Variants in UCKL1 observed in about 807,000 individuals in gnomAD.
UCKL1 encodes the protein uridine-cytidine kinase 1 like 1.
A neutral mutation model predicts 59.2 loss-of-function variants in UCKL1; 65 were observed. That is an observed-to-expected ratio of 1.10 (90% CI 0.90 to 1.35). UCKL1 has a LOEUF of 1.35. Ranked by LOEUF, UCKL1 falls within the 40% of genes most tolerant of loss-of-function variation. The pLI, the probability that UCKL1 is intolerant of heterozygous loss-of-function variation, is 0.00. For synonymous variants in UCKL1, 410 were observed against 323.1 expected, an observed-to-expected ratio of 1.27 and a Z score of -2.88; for missense variants, 703 against 784.3, an observed-to-expected ratio of 0.90 and a Z score of 1.24.
intron 8 of UCKL1, chr20:63,942,836 C>A: frequency 2.4e-6 from 1 of 416,444 alleles, no homozygotes; most frequent in South Asian, 1.6e-5. Flanking sequence ...AGGAACCTGA[C>A]GGGACAAGAC....
intron 1 of UCKL1, among the ~76,000 whole-genome samples, chr20:63,952,147 AAGTGGGC>A (rs1005611575): frequency 9.2e-5 from 14 of 152,064 alleles, no homozygotes; most frequent in Non-Finnish European, 1.3e-4. Context: ...CTCACTTGGG[AAGTGGGC>A]AGGAGACAGC....
Position 63,940,990 on chromosome 20 carries a change from C to T in UCKL1, c.1076G>A (p.Arg359Gln), listed in dbSNP as rs144788590. The change falls in exon 10 of 15, where the codon CGG becomes CAG. Residue 359 changes from arginine (R) to glutamine (Q), a missense_variant. Coordinates refer to ENST00000354216, the MANE Select transcript of UCKL1 (RefSeq NM_017859.4). ...EFIFYSKRLM[R>Q]LLIEHALSFL... ...GGAGAGCGCGTGCTCGATGAGCAGC[C>T]GCATCAGTCTCTTGGAGTAGAAGAT... 4 of 1,533,082 alleles carry T rather than the reference C, an allele frequency of 2.6e-6. No homozygotes were observed. The African/African-American group carries it at 4.1e-5, about 16-fold the overall frequency. 95.0% of individuals were successfully genotyped at this position (1,533,082 alleles called of 1,614,324 possible).
intron 8 of UCKL1, 76 bp downstream of exon 8, chr20:63,943,577 T>C (rs2055278837): frequency 6.2e-7 from 1 of 1,605,428 alleles, no homozygotes; most frequent in Non-Finnish European, 8.5e-7. Context: ...CCTGGCTGGA[T>C]CACAGCCCAG....
Position 63,950,887 on chromosome 20 carries a change from G to C in UCKL1, c.114-4244C>G, listed in dbSNP as rs949316870. 87 of 1,434,686 alleles carry C rather than the reference G, an allele frequency of 6.1e-5. No individual in the cohort carries two copies. The Admixed American group carries it at 2.4e-3, about 40-fold the overall frequency. 88.9% of individuals were successfully genotyped at this position (1,434,686 alleles called of 1,614,324 possible). On this transcript the variant is annotated intron_variant, in intron 1 of 14. Transcript: ENST00000354216. ...AGTGGCCCCAGGGGTGGATGCGTGGGGGCTCAGGCGCAGGCAGCCGTGGGG... is the reference window on the plus strand; with the variant it reads ...AGTGGCCCCAGGGGTGGATGCGTGGCGGCTCAGGCGCAGGCAGCCGTGGGG...
chr20:63,944,403 C>A lies in UCKL1; in HGVS notation c.900G>T (p.Leu300=). 1 of 1,564,414 alleles carries A rather than the reference C, an allele frequency of 6.4e-7. No homozygotes were observed. Among genetic ancestry groups the A allele is most frequent in the African/African-American group, 1.4e-5 (1 of 73,906 alleles). The change falls in exon 7 of 15, where the codon CTG becomes CTT. Residue 300 remains leucine (L), a synonymous_variant. Transcript: ENST00000354216. ...DLIVQHVHSQ[L]EERELSVRAA... ...GACGTGGGACCCCGCTCACCTCCTC[C>A]AGCTGGCTGTGCACGTGCTGCACAA...
intron 1 of UCKL1, among the ~76,000 whole-genome samples, chr20:63,950,215 T>G (rs1008439532): frequency 6.6e-6 from 1 of 152,120 alleles, no homozygotes; most frequent in African/African-American, 2.4e-5. Flanking sequence ...CCCCACTACC[T>G]TCTCCAAAGC....
At chr20:63,956,099 C>T in intron 1 of UCKL1, 161 bp downstream of exon 1, 2 of 662,396 alleles carry the variant, frequency 3.0e-6, no homozygotes, top group Non-Finnish European at 4.6e-6. Flanking sequence ...GCTTCAAGCC[C>T]GCGGGGTTCC....
chr20:63,940,456 G>C lies in UCKL1; in HGVS notation c.1332C>G (p.Ile444Met). The C allele has an allele frequency of 6.2e-7, 1 of 1,612,160 alleles. No homozygotes were observed. Among genetic ancestry groups the C allele is most frequent in the Non-Finnish European group, 8.5e-7 (1 of 1,179,758 alleles). Residue 444 changes from isoleucine to methionine, a missense_variant, in exon 13 of 15, where the codon ATC (isoleucine) becomes ATG (methionine). Coordinates refer to ENST00000354216, the MANE Select transcript of UCKL1 (RefSeq NM_017859.4). ...ELHYLRLPKD[I>M]SDDHVILMDC... is the part of the protein sequence containing the mutation. ...CCATGAGGATCACGTGGTCATCGCT[G>C]ATGTCCTTGGGCAGCCTCAGGTAGT...
In UCKL1 at chr20:63,946,483, C is replaced by T. The variant is rs746386529; in HGVS notation, c.274G>A (p.Gly92Ser). 1.3e-6 allele frequency: 2 copies of T among 1,576,926 alleles called. No individual in the cohort carries two copies. Among genetic ancestry groups the T allele is most frequent in the South Asian group, 1.2e-5 (1 of 85,414 alleles). ...GCGAAGGCCTCTTTGGATTGCGTGC[C>T]GTGTTCATTGTACCAGGGCGGCCGC... The part of the protein sequence containing the change: ...AGRPPWYNEH[G>S]TQSKEAFAIG... Residue 92 changes from glycine (G) to serine (S), a missense_variant, in exon 2 of 15, where the codon GGC becomes AGC. Coordinates refer to ENST00000354216, the MANE Select transcript of UCKL1 (RefSeq NM_017859.4).
At position 63,941,097 on chromosome 20, in the gene UCKL1, G is replaced by C; in HGVS notation, c.1022+13C>G. ...CGCGCCCGGGGCCGCCCCGTCCCCA[G>C]GTGGGCCCTCACCTGATGATGGTGT... On this transcript the variant is annotated intron_variant, in intron 9 of 14. Coordinates refer to ENST00000354216, the MANE Select transcript of UCKL1 (RefSeq NM_017859.4). The C allele has an allele frequency of 6.2e-7, 1 of 1,600,006 alleles. No individual in the cohort carries two copies. The highest frequency in any genetic ancestry group is 1.1e-5 in the South Asian group (1 of 89,724).
At chr20:63,948,562 T>TGTGTGAGAGGGAGGGGCGG (rs2056884525) in intron 1 of UCKL1, 2 of 60,618 alleles carry the variant, frequency 3.3e-5, no homozygotes, top group Non-Finnish European at 6.4e-5. Flanking sequence ...GAGGGAGGCG[T>TGTGTGAGAGGGAGGGGCGG]GTGTGAGAGG....
chr20:63,939,926 G>A lies in UCKL1; in HGVS notation c.*50C>T, dbSNP rs753095931. 1 of 1,497,900 alleles carries A rather than the reference G, an allele frequency of 6.7e-7. No individual in the cohort carries two copies. The highest frequency in any genetic ancestry group is 9.3e-7 in the Non-Finnish European group (1 of 1,076,998). The allele number at this position is 1,497,900 out of a possible 1,614,324, so 92.8% of individuals were successfully genotyped here. A position where few individuals can be genotyped will look rare whatever the true frequency, so the allele number is the denominator to read the frequency against. ...AACATCTTTGTATTCAGCAGTCCTG[G>A]GTCAGGAGGCAGGAGGAGGGTGGTG... On this transcript the variant is annotated 3_prime_UTR_variant, in exon 15 of 15. Transcript: ENST00000354216.
intron 14 of UCKL1, 34 bp downstream of exon 14, chr20:63,940,116 C>G (rs1569008264): frequency 1.2e-6 from 2 of 1,612,154 alleles, no homozygotes; most frequent in Non-Finnish European, 1.7e-6. Flanking sequence ...CCACCCTGCC[C>G]TCATGTGCGG....
Position 63,944,453 on chromosome 20 carries a change from C to T in UCKL1, c.850G>A (p.Gly284Ser), listed in dbSNP as rs751215651. ...ATCAGGTCGATGGCCACCGTGTTGC[C>T]GCTCCCTGGGGCGGGATGGGGGGGC... ...LADIVVPRGSGNTVAIDLIVQ... is the reference protein window; with the variant it reads ...LADIVVPRGSSNTVAIDLIVQ... The change falls in exon 7 of 15, where the codon GGC becomes AGC. Residue 284 changes from glycine to serine, a missense_variant. Around this residue, in one of 4 missense-constraint regions of UCKL1, gnomAD observed 156 missense variants for 185.6 expected, o/e 0.84. Transcript: ENST00000354216. 3.2e-6 allele frequency: 5 copies of T among 1,576,514 alleles called. No homozygotes were observed. The highest frequency in any genetic ancestry group is 4.6e-5 in the East Asian group (2 of 43,060).
chr20:63,955,560 G>C (rs557359160), intron 1 of UCKL1: 1 of 152,278 alleles, frequency 6.6e-6, no homozygotes, highest in Non-Finnish European at 1.5e-5. Flanking sequence ...CCCCTTCCTG[G>C]GGACCCCGCG....
At chr20:63,954,146 C>T (rs955108022) in intron 1 of UCKL1, 1 of 153,178 alleles carries the variant, frequency 6.5e-6, no homozygotes, top group Non-Finnish European at 1.5e-5. Flanking sequence ...TGGATGAGCA[C>T]TGGGGGTTGG....
At chr20:63,951,322 C>G in intron 1 of UCKL1, 1 of 513,996 alleles carries the variant, frequency 1.9e-6, no homozygotes, top group Non-Finnish European at 2.5e-6. Context: ...AGCCTAGGAC[C>G]GCAGGCCTGC....
chr20:63,946,365 C>T, intron 2 of UCKL1, 88 bp downstream of exon 2: 1 of 1,527,444 alleles, frequency 6.5e-7, no homozygotes, highest in Non-Finnish European at 8.8e-7. Context: ...CCTGCGGTTG[C>T]CCGGCTTCCT....
chr20:63,942,607 C>A (rs766681806), intron 8 of UCKL1: 2 of 675,430 alleles, frequency 3.0e-6, no homozygotes, highest in South Asian at 1.6e-5. Flanking sequence ...GCGTTCCCCG[C>A]AGGCCTGAGG....
Sources: allele counts gnomAD v4.1 joint callset (sites outside exome capture counted in the v4.1 genomes callset), GRCh38; gene constraint gnomAD v4.1.1; regional missense constraint gnomAD v4.1.1; transcripts MANE v1.5; gene names NCBI Gene and HGNC (gene_info 2026-07-23, HGNC 2026-07-21).